CTNNA2: variants seen among roughly 807,000 people sequenced by gnomAD.
The protein encoded by CTNNA2 is catenin alpha-2.
Under a neutral mutation model 101.0 loss-of-function variants are expected in CTNNA2, and 42 were observed. That is an observed-to-expected ratio of 0.42 (90% confidence interval 0.32 to 0.54). CTNNA2 has a LOEUF of 0.54. CTNNA2 is among the 20% of genes least tolerant of loss of function. The pLI is 0.14. For synonymous variants in CTNNA2, 450 were observed against 456.4 expected, an observed-to-expected ratio of 0.99 and a Z score of 0.18; for missense variants, 871 against 1,223.1, an observed-to-expected ratio of 0.71 and a Z score of 4.29.
At chr2:80,319,355 T>A (rs1290278590) in intron 7 of CTNNA2, among the ~76,000 whole-genome samples, 1 of 152,174 alleles carries the variant, frequency 6.6e-6, no homozygotes, top group Non-Finnish European at 1.5e-5. Context: ...AAATAGTTGT[T>A]CAACAAAACG....
At chr2:80,248,962 A>G (rs1435317134) in intron 7 of CTNNA2, among the ~76,000 whole-genome samples, 1 of 152,192 alleles carries the variant, frequency 6.6e-6, no homozygotes, top group Non-Finnish European at 1.5e-5. Context: ...CATATCATTT[A>G]CATGCTGAAC....
intron 1 of CTNNA2, among the ~76,000 whole-genome samples, chr2:79,578,309 C>T (rs11887108): frequency 0.02 from 2,975 of 151,740 alleles, 120 homozygotes; most frequent in African/African-American, 0.069. Context: ...ATATAAGGTT[C>T]GAATATTTCC....
At chr2:80,505,783 A>G (rs956247840) in intron 9 of CTNNA2, among the ~76,000 whole-genome samples, 3 of 152,212 alleles carry the variant, frequency 2.0e-5, no homozygotes, top group Non-Finnish European at 4.4e-5. Flanking sequence ...CCCCACAAAT[A>G]TACTTGGATA....
At chr2:79,880,498 T>C (rs531889674) in intron 6 of CTNNA2, among the ~76,000 whole-genome samples, 5 of 152,306 alleles carry the variant, frequency 3.3e-5, no homozygotes, top group African/African-American at 1.2e-4. Flanking sequence ...ATTCAGAACT[T>C]GTTATTGGTC....
At chr2:79,214,969 C>T (rs1336515035) in intron 2 of CTNNA2, among the ~76,000 whole-genome samples, 2 of 151,886 alleles carry the variant, frequency 1.3e-5, no homozygotes, top group African/African-American at 2.4e-5. Context: ...GGGTAGCCTC[C>T]GTATTGATTA....
intron 3 of CTNNA2, among the ~76,000 whole-genome samples, chr2:79,333,703 A>G (rs1258524041): frequency 6.6e-6 from 1 of 152,208 alleles, no homozygotes; most frequent in Non-Finnish European, 1.5e-5. Context: ...TAGGTTTATC[A>G]ATACAGAAAA....
intron 7 of CTNNA2, among the ~76,000 whole-genome samples, chr2:79,950,230 T>C (rs1046196264): frequency 1.3e-5 from 2 of 152,060 alleles, no homozygotes; most frequent in African/African-American, 4.8e-5. Context: ...AAAAATTGTA[T>C]TCATTACGAA....
chr2:80,523,445 T>A (rs1438069380), intron 9 of CTNNA2, among the ~76,000 whole-genome samples: 1 of 152,136 alleles, frequency 6.6e-6, no homozygotes, highest in Non-Finnish European at 1.5e-5. Flanking sequence ...GTTAGTGATT[T>A]GGTGATAATG....
intron 9 of CTNNA2, among the ~76,000 whole-genome samples, chr2:80,542,634 A>G (rs1691672993): frequency 6.6e-6 from 1 of 151,886 alleles, no homozygotes; most frequent in South Asian, 2.1e-4. Flanking sequence ...GGCATTTTTA[A>G]GTTTTCATAT....
intron 1 of CTNNA2, among the ~76,000 whole-genome samples, chr2:79,584,946 G>C (rs1430131199): frequency 6.6e-6 from 1 of 152,160 alleles, no homozygotes. Flanking sequence ...GTATTTTATG[G>C]GGTTTATATG....
chr2:79,860,153 C>G (rs1424595920), intron 4 of CTNNA2, among the ~76,000 whole-genome samples: 1 of 152,234 alleles, frequency 6.6e-6, no homozygotes, highest in Non-Finnish European at 1.5e-5. Context: ...CTTTCCCTTA[C>G]AGCCTAGTTA....
chr2:79,791,908 G>A (rs1407597755), intron 3 of CTNNA2, among the ~76,000 whole-genome samples: 1 of 152,164 alleles, frequency 6.6e-6, no homozygotes, highest in Non-Finnish European at 1.5e-5. Context: ...CTTAGGTATA[G>A]TAAAGACACC....
At position 80,239,860 on chromosome 2, in the gene CTNNA2, C is replaced by T. The variant is rs1021951765; in HGVS notation, c.1057-153351C>T. ...CTGGGAGGCAGAAGTTGCAGTGAGC[C>T]GAGATCGCTCCATTGCACTCCAGCC... On this transcript the variant is annotated intron_variant, in intron 7 of 18. Coordinates refer to ENST00000402739, the MANE Select transcript of CTNNA2 (RefSeq NM_001282597.3). Among the ~76,000 whole-genome samples, 15 of 151,472 alleles carry T rather than the reference C, an allele frequency of 9.9e-5. 1 individual carries two copies. Among genetic ancestry groups the T allele is most frequent in the Admixed American group, 5.9e-4 (9 of 15,196 alleles).
intron 7 of CTNNA2, among the ~76,000 whole-genome samples, chr2:80,327,752 CTTTA>C (rs1283442680): frequency 3.3e-5 from 5 of 152,122 alleles, no homozygotes; most frequent in Admixed American, 3.3e-4. Flanking sequence ...ATAAACAGAG[CTTTA>C]TTTAATTAAT....
intron 3 of CTNNA2, 34 bp downstream of exon 3, chr2:79,744,616 C>T: frequency 6.3e-7 from 1 of 1,584,740 alleles, no homozygotes; most frequent in East Asian, 2.2e-5. Context: ...CAAGGCGGAT[C>T]TATACTGATG....
intron 7 of CTNNA2, among the ~76,000 whole-genome samples, chr2:80,260,580 C>T (rs1359747765): frequency 6.6e-6 from 1 of 151,978 alleles, no homozygotes; most frequent in East Asian, 1.9e-4. Flanking sequence ...TTTTTCAACG[C>T]GAGGCTTTCA....
At chr2:79,569,978 A>G (rs947296940) in intron 1 of CTNNA2, among the ~76,000 whole-genome samples, 1 of 152,206 alleles carries the variant, frequency 6.6e-6, no homozygotes, top group Non-Finnish European at 1.5e-5. Flanking sequence ...AATCATTATG[A>G]ACAGTCCTCA....
At chr2:79,799,959 A>G (rs1226268600) in intron 3 of CTNNA2, among the ~76,000 whole-genome samples, 1 of 152,192 alleles carries the variant, frequency 6.6e-6, no homozygotes, top group Non-Finnish European at 1.5e-5. Context: ...TGTGAAACTG[A>G]GTAGAAAGGA....
chr2:79,453,423 A>T (rs2104528791), intron 4 of CTNNA2, among the ~76,000 whole-genome samples: 1 of 152,240 alleles, frequency 6.6e-6, no homozygotes, highest in East Asian at 1.9e-4. Flanking sequence ...GTGACAATGA[A>T]ATGTGTAAAC....
Sources: allele counts gnomAD v4.1 joint callset (sites outside exome capture counted in the v4.1 genomes callset), GRCh38; gene constraint gnomAD v4.1.1; transcripts MANE v1.5; gene names NCBI Gene and HGNC (gene_info 2026-07-23, HGNC 2026-07-21).